DPP10: variants seen among roughly 807,000 people sequenced by gnomAD.
DPP10 encodes the protein inactive dipeptidyl peptidase 10.
A neutral mutation model predicts 120.9 loss-of-function variants in DPP10; 33 were observed. The observed-to-expected ratio is 0.27, with a 90% confidence interval of 0.21 to 0.37. DPP10 has a LOEUF of 0.37. DPP10 is among the 10% of genes least tolerant of loss of function. The pLI, the probability that DPP10 is intolerant of heterozygous loss-of-function variation, is 1.00. For synonymous variants in DPP10, 337 were observed against 326.1 expected (o/e 1.03, Z -0.36); for missense variants, 816 against 942.8 (o/e 0.87, Z 1.76).
intron 1 of DPP10, among the ~76,000 whole-genome samples, chr2:114,641,728 T>C (rs1573863549): frequency 1.3e-5 from 2 of 152,044 alleles, no homozygotes; most frequent in Admixed American, 1.3e-4. Context: ...AAATTAACCA[T>C]GTAAATGCTC....
chr2:115,752,397 A>T (rs1678857041), intron 10 of DPP10, among the ~76,000 whole-genome samples: 1 of 152,222 alleles, frequency 6.6e-6, no homozygotes, highest in Non-Finnish European at 1.5e-5. Flanking sequence ...AGGAAGATAT[A>T]TAAACTTTCC....
intron 1 of DPP10, among the ~76,000 whole-genome samples, chr2:114,809,145 A>G (rs186947994): frequency 1.3e-5 from 2 of 152,162 alleles, no homozygotes; most frequent in Non-Finnish European, 2.9e-5. Flanking sequence ...GTGGATGTTC[A>G]GTAATATTAA....
intron 1 of DPP10, among the ~76,000 whole-genome samples, chr2:114,665,258 T>C (rs1019103519): frequency 2.0e-5 from 3 of 152,182 alleles, no homozygotes; most frequent in Admixed American, 6.6e-5. Context: ...AGAAGTGAGA[T>C]AGTACAATCA....
intron 1 of DPP10, among the ~76,000 whole-genome samples, chr2:114,562,587 T>G (rs554160915): frequency 2.0e-5 from 3 of 152,314 alleles, no homozygotes; most frequent in Admixed American, 2.0e-4. Flanking sequence ...TCTAGCCCAT[T>G]TTACAGCCTG....
Position 114,689,061 on chromosome 2 carries a change from TC to T in DPP10, c.60+246224del, listed in dbSNP as rs142208734. Among the ~76,000 whole-genome samples the T allele has an allele frequency of 9.8e-3, 1,485 of 151,914 alleles. 19 individuals carry two copies. Among genetic ancestry groups the T allele is most frequent in the African/African-American group, 0.034 (1,421 of 41,458 alleles). ...CTCCGTGGTTTGTTTTTTTTTAATT[TC>T]TAGTTTTTTTTTCTTCAACTGTTAT... is the stretch of plus-strand genomic sequence containing the variant. On this transcript the variant is annotated intron_variant, in intron 1 of 25. Coordinates refer to ENST00000410059, the MANE Select transcript of DPP10 (RefSeq NM_020868.6).
chr2:114,528,431 G>T (rs1358207838), intron 1 of DPP10, among the ~76,000 whole-genome samples: 2 of 152,008 alleles, frequency 1.3e-5, no homozygotes, highest in African/African-American at 4.8e-5. Context: ...CATTGTTCTA[G>T]ATGGGAGATA....
intron 1 of DPP10, among the ~76,000 whole-genome samples, chr2:114,534,151 G>T (rs1686287927): frequency 6.6e-6 from 1 of 152,004 alleles, no homozygotes; most frequent in African/African-American, 2.4e-5. Flanking sequence ...TCAAAATGAT[G>T]GGAATATTTT....
At chr2:115,793,150 C>T (rs1276103442) in intron 19 of DPP10, among the ~76,000 whole-genome samples, 3 of 152,066 alleles carry the variant, frequency 2.0e-5, no homozygotes, top group Non-Finnish European at 4.4e-5. Context: ...GAAGACTTCT[C>T]TTATTGGCAA....
At chr2:115,400,251 T>C (rs1473301386) in intron 3 of DPP10, among the ~76,000 whole-genome samples, 1 of 152,178 alleles carries the variant, frequency 6.6e-6, no homozygotes, top group African/African-American at 2.4e-5. Context: ...AACCATGTCA[T>C]GGCTGAATTT....
At chr2:115,295,506 G>A (rs974885901) in intron 1 of DPP10, among the ~76,000 whole-genome samples, 9 of 152,052 alleles carry the variant, frequency 5.9e-5, no homozygotes, top group Non-Finnish European at 1.0e-4. Context: ...TAGTTGAGAA[G>A]TTAAAACACA....
At chr2:114,569,454 T>C (rs1017876877) in intron 1 of DPP10, among the ~76,000 whole-genome samples, 5 of 152,124 alleles carry the variant, frequency 3.3e-5, no homozygotes, top group Non-Finnish European at 7.4e-5. Flanking sequence ...AATGTGCTTT[T>C]AACTTAGCTC....
At chr2:114,714,951 G>T (rs549923390) in intron 1 of DPP10, among the ~76,000 whole-genome samples, 114 of 152,212 alleles carry the variant, frequency 7.5e-4, no homozygotes, top group South Asian at 3.7e-3. Context: ...TAATGGGGTT[G>T]CTGTCTCCCT....
Position 115,622,166 on chromosome 2 carries a change from A to G in DPP10, c.442-67521A>G, listed in dbSNP as rs930178749. Reference sequence around the variant, plus strand: ...TTGATCACATTAGCAATCTCTCCCCATTCCCTCTGCTGTCCACCCCTCATG... The same window carrying G: ...TTGATCACATTAGCAATCTCTCCCCGTTCCCTCTGCTGTCCACCCCTCATG... On this transcript the variant is annotated intron_variant, in intron 5 of 25. Coordinates refer to ENST00000410059, the MANE Select transcript of DPP10 (RefSeq NM_020868.6). 3.3e-5 allele frequency among the ~76,000 whole-genome samples: 5 copies of G among 152,176 alleles called. 1 individual carries two copies. Among genetic ancestry groups the G allele is most frequent in the Admixed American group, 3.3e-4 (5 of 15,286 alleles).
rs182024690 is a variant in DPP10, at chr2:115,270,180, C to T, written c.61-39059C>T. On this transcript the variant is annotated intron_variant, in intron 1 of 25. Transcript: ENST00000410059. Reference sequence around the variant, plus strand: ...GTCACCTTTGCAGCTCTTGTCTGTTCTGCCAAGATAGTCACTCTCTGGGAA... The same window carrying T: ...GTCACCTTTGCAGCTCTTGTCTGTTTTGCCAAGATAGTCACTCTCTGGGAA... Among the ~76,000 whole-genome samples the T allele has an allele frequency of 6.6e-5, 10 of 151,690 alleles. No individual in the cohort carries two copies. In the East Asian group the frequency reaches 1.8e-3, roughly 27 times the overall value.
chr2:114,643,658 AG>A (rs1322475889), intron 1 of DPP10, among the ~76,000 whole-genome samples: 1 of 151,822 alleles, frequency 6.6e-6, no homozygotes, highest in African/African-American at 2.4e-5. Context: ...TTAGTTTAGA[AG>A]GGGTTGCTGT....
At chr2:115,712,047 G>A (rs1050863379) in intron 7 of DPP10, among the ~76,000 whole-genome samples, 9 of 150,552 alleles carry the variant, frequency 6.0e-5, no homozygotes, top group Admixed American at 3.3e-4. Flanking sequence ...GGGAGGGATG[G>A]TTTTGGGAGA....
intron 5 of DPP10, among the ~76,000 whole-genome samples, chr2:115,561,747 C>A (rs1033639834): frequency 7.9e-5 from 12 of 152,154 alleles, no homozygotes; most frequent in Admixed American, 2.6e-4. Flanking sequence ...TCTTCTTAAT[C>A]TTTTTAAGTT....
intron 3 of DPP10, among the ~76,000 whole-genome samples, chr2:115,482,247 T>A (rs1158828662): frequency 1.3e-5 from 2 of 151,880 alleles, no homozygotes; most frequent in Non-Finnish European, 2.9e-5. Flanking sequence ...ATTTTTATTG[T>A]GTCTATTTAA....
chr2:115,300,927 G>A (rs1210892752), intron 1 of DPP10, among the ~76,000 whole-genome samples: 1 of 151,896 alleles, frequency 6.6e-6, no homozygotes, highest in Admixed American at 6.6e-5. Context: ...TGAAAATTGG[G>A]TGTCTGAAAA....
Sources: allele counts gnomAD v4.1 joint callset (sites outside exome capture counted in the v4.1 genomes callset), GRCh38; gene constraint gnomAD v4.1.1; transcripts MANE v1.5; gene names NCBI Gene and HGNC (gene_info 2026-07-23, HGNC 2026-07-21).